DNAJC1: variants seen among roughly 807,000 people sequenced by gnomAD.
The protein encoded by DNAJC1 is dnaJ homolog subfamily C member 1.
DNAJC1 carries 58 observed loss-of-function variants against 76.6 expected under a neutral mutation model. The observed-to-expected ratio is 0.76, with a 90% CI of 0.61 to 0.94. DNAJC1 has a LOEUF of 0.94. DNAJC1 is among the 40% of genes least tolerant of loss of function. The probability of loss-of-function intolerance (pLI) is 0.00; values close to 1 mark genes in which losing one functional copy is unlikely to be tolerated. For synonymous variants in DNAJC1, 258 were observed against 267.9 expected (o/e 0.96, Z 0.36); for missense variants, 689 against 677.3 (o/e 1.02, Z -0.19).
rs1387404095 is a variant in DNAJC1, at chr10:21,882,297, T to C, written c.963A>G (p.Arg321=). 6.3e-7 allele frequency: 1 copy of C among 1,595,008 alleles called. No individual in the cohort carries two copies. The highest frequency in any genetic ancestry group is 2.3e-5 in the East Asian group (1 of 44,416). ...GCTTATTTACCTGTTTTTTCTGTGT[T>C]CGGTTCCTGTTTTCCAACCAATCAT... The part of the protein sequence containing the change: ...QMDDWLENRN[R]TQKKQAPEWT... The change falls in exon 8 of 12, where the codon CGA becomes CGG. Residue 321 remains arginine, a synonymous_variant. Coordinates refer to ENST00000376980, the MANE Select transcript of DNAJC1 (RefSeq NM_022365.4).
At chr10:21,786,447 TATATATATATATATATAGAGAGAGAGAG>T (rs1290963045) in intron 9 of DNAJC1, among the ~76,000 whole-genome samples, 2 of 112,908 alleles carry the variant, frequency 1.8e-5, no homozygotes, top group East Asian at 2.3e-4. Context: ...TATATATATA[TATATATATATATATATAGAGAGAGAGAG>T]AGAGAGAGAG....
At chr10:21,823,077 G>A (rs1403272186) in intron 8 of DNAJC1, among the ~76,000 whole-genome samples, 1 of 152,008 alleles carries the variant, frequency 6.6e-6, no homozygotes, top group East Asian at 1.9e-4. Flanking sequence ...GGAGTAATTT[G>A]TAAATCATGA....
chr10:21,930,558 C>A (rs1034536409), intron 1 of DNAJC1, among the ~76,000 whole-genome samples: 1 of 152,056 alleles, frequency 6.6e-6, no homozygotes, highest in Non-Finnish European at 1.5e-5. Flanking sequence ...CTTTATAAAC[C>A]ATTATTTTTA....
intron 8 of DNAJC1, among the ~76,000 whole-genome samples, chr10:21,807,403 G>A (rs1330005785): frequency 1.3e-5 from 2 of 152,140 alleles, no homozygotes; most frequent in East Asian, 1.9e-4. Flanking sequence ...CAAGCTTAAC[G>A]GGGCCCTTCC....
Position 21,897,333 on chromosome 10 carries a change from G to A in DNAJC1, c.820+7189C>T, listed in dbSNP as rs555499447. Among the ~76,000 whole-genome samples the A allele has an allele frequency of 9.9e-5, 15 of 152,054 alleles. No homozygotes were observed. In the South Asian group the frequency reaches 3.1e-3, roughly 32 times the overall value. On this transcript the variant is annotated intron_variant, in intron 7 of 11. Coordinates refer to ENST00000376980, the MANE Select transcript of DNAJC1 (RefSeq NM_022365.4). ...TATATCGTATTAATACACCAAAAATGAAATATCACATAATCACAATTATTG... is the reference window on the plus strand; with the variant it reads ...TATATCGTATTAATACACCAAAAATAAAATATCACATAATCACAATTATTG...
chr10:21,936,443 C>T (rs1481793797), intron 1 of DNAJC1, among the ~76,000 whole-genome samples: 2 of 152,104 alleles, frequency 1.3e-5, no homozygotes, highest in East Asian at 3.9e-4. Flanking sequence ...TTTTACTCTA[C>T]ATGATTTAAA....
intron 4 of DNAJC1, 79 bp downstream of exon 4, chr10:21,920,719 C>T (rs1837028343): frequency 2.2e-6 from 3 of 1,355,444 alleles, no homozygotes. Flanking sequence ...CAGAAATTTT[C>T]ATCAGTTGAA....
At chr10:21,835,451 C>T (rs1297892039) in intron 8 of DNAJC1, among the ~76,000 whole-genome samples, 1 of 152,170 alleles carries the variant, frequency 6.6e-6, no homozygotes, top group South Asian at 2.1e-4. Context: ...CAGCTCCTCA[C>T]CAGCAAGGGA....
At chr10:21,844,309 C>T (rs116558407) in intron 8 of DNAJC1, among the ~76,000 whole-genome samples, 1,766 of 151,364 alleles carry the variant, frequency 0.012, 29 homozygotes, top group African/African-American at 0.041. Flanking sequence ...GGTTTCACAA[C>T]GTTGCCCAGG....
chr10:21,980,054 A>C (rs1221102861), intron 1 of DNAJC1, among the ~76,000 whole-genome samples: 1 of 152,074 alleles, frequency 6.6e-6, no homozygotes, highest in East Asian at 1.9e-4. Context: ...GCGGGGCTGG[A>C]AAGTCCTTAG....
chr10:21,760,669 T>A lies in DNAJC1; in HGVS notation c.1148-1051A>T, dbSNP rs1321792246. On this transcript the variant is annotated intron_variant, in intron 10 of 11. Transcript: ENST00000376980. The stretch of plus-strand genomic sequence containing the variant: ...CTGAGGAATTAAGTTTTTAACTTTA[T>A]TTAATTCTAATTAATTTAAACTTTA... 4.6e-5 allele frequency among the ~76,000 whole-genome samples: 7 copies of A among 152,350 alleles called. No individual in the cohort carries two copies. In the East Asian group the frequency reaches 1.3e-3, roughly 29 times the overall value.
At chr10:21,805,490 A>C (rs1439305264) in intron 9 of DNAJC1, among the ~76,000 whole-genome samples, 4 of 150,562 alleles carry the variant, frequency 2.7e-5, no homozygotes, top group African/African-American at 9.8e-5. Flanking sequence ...TCTTCTGGTT[A>C]AACTACTTAT....
chr10:21,930,788 G>A (rs1387858869), intron 1 of DNAJC1, among the ~76,000 whole-genome samples: 1 of 152,156 alleles, frequency 6.6e-6, no homozygotes, highest in East Asian at 1.9e-4. Context: ...ATGAAAATCT[G>A]TGATGAATCC....
At chr10:21,851,948 A>T (rs1007134937) in intron 8 of DNAJC1, among the ~76,000 whole-genome samples, 15 of 151,762 alleles carry the variant, frequency 9.9e-5, no homozygotes, top group African/African-American at 3.6e-4. Flanking sequence ...AGCTACTCGG[A>T]AGGCTGAGGC....
intron 9 of DNAJC1, among the ~76,000 whole-genome samples, chr10:21,804,858 A>G (rs572539654): frequency 7.4e-4 from 112 of 152,222 alleles, no homozygotes; most frequent in African/African-American, 2.0e-3. Flanking sequence ...ACAAAACAAA[A>G]CAATACAAAA....
At chr10:21,765,171 A>G (rs1834284641) in intron 10 of DNAJC1, among the ~76,000 whole-genome samples, 1 of 152,208 alleles carries the variant, frequency 6.6e-6, no homozygotes, top group South Asian at 2.1e-4. Flanking sequence ...AAAGAAATCC[A>G]GAAATTTCCT....
chr10:21,802,146 T>C (rs1472955712), intron 9 of DNAJC1, among the ~76,000 whole-genome samples: 2 of 151,966 alleles, frequency 1.3e-5, no homozygotes, highest in African/African-American at 4.8e-5. Context: ...TTAAAAGTTG[T>C]AAGGTTGAGA....
intron 6 of DNAJC1, among the ~76,000 whole-genome samples, chr10:21,915,879 G>A (rs930955636): frequency 2.7e-5 from 4 of 150,896 alleles, no homozygotes; most frequent in African/African-American, 4.9e-5. Context: ...TTGGAGGTGT[G>A]TGCCTATAGT....
At chr10:21,805,841 A>T in intron 9 of DNAJC1, 139 bp downstream of exon 9, 3 of 1,061,012 alleles carry the variant, frequency 2.8e-6, no homozygotes, top group Non-Finnish European at 4.1e-6. Context: ...TTATTGCATT[A>T]ATGGTTCACT....
Sources: gnomAD v4.1 joint callset for allele counts (sites outside exome capture counted in the v4.1 genomes callset) on GRCh38, gnomAD v4.1.1 for gene constraint, MANE v1.5 for transcripts, NCBI Gene and HGNC (gene_info 2026-07-23, HGNC 2026-07-21) for gene names.